The following BNC2 variants were observed in gnomAD, a reference collection of about 807,000 sequenced individuals.
The protein encoded by BNC2 is zinc finger protein basonuclin-2.
In BNC2, 20 loss-of-function variants were observed where a neutral mutation model predicts 76.3. The observed-to-expected ratio is 0.26, with a 90% confidence interval of 0.18 to 0.38. BNC2 has a LOEUF of 0.38. Among genes scored for constraint, BNC2 ranks in the 10% least tolerant of loss-of-function variants. The pLI, the probability that BNC2 is intolerant of heterozygous loss-of-function variation, is 1.00. For synonymous variants in BNC2, 582 were observed against 514.8 expected, an observed-to-expected ratio of 1.13 and a Z score of -1.77; for missense variants, 1,382 against 1,399.8, an observed-to-expected ratio of 0.99 and a Z score of 0.20.
At chr9:16,664,764 A>C (rs1474902227) in intron 3 of BNC2, among the ~76,000 whole-genome samples, 2 of 152,106 alleles carry the variant, frequency 1.3e-5, no homozygotes, top group African/African-American at 2.4e-5. Context: ...AGACCCAATA[A>C]GGAGAAGGTT....
At chr9:16,589,591 C>G (rs1819867465) in intron 3 of BNC2, among the ~76,000 whole-genome samples, 1 of 152,036 alleles carries the variant, frequency 6.6e-6, no homozygotes, top group South Asian at 2.1e-4. Context: ...TCACTGCAAC[C>G]TCCGCCTCCA....
At chr9:16,425,656 A>C in intron 6 of BNC2, among the ~76,000 whole-genome samples, 1 of 152,242 alleles carries the variant, frequency 6.6e-6, no homozygotes, top group Admixed American at 6.5e-5. Flanking sequence ...TGGAAAAGCC[A>C]AACAGATGGT....
chr9:16,717,320 T>C (rs2134813088), intron 3 of BNC2, among the ~76,000 whole-genome samples: 1 of 152,338 alleles, frequency 6.6e-6, no homozygotes, highest in Middle Eastern at 3.4e-3. Flanking sequence ...CTTACTTTCT[T>C]TCTTTTTTAA....
intron 3 of BNC2, among the ~76,000 whole-genome samples, chr9:16,661,410 T>C (rs1320715926): frequency 2.0e-5 from 3 of 152,188 alleles, no homozygotes; most frequent in Admixed American, 6.5e-5. Context: ...CTGACTTCAA[T>C]AGTATATGGG....
intron 4 of BNC2, among the ~76,000 whole-genome samples, chr9:16,561,360 C>G (rs1269446701): frequency 1.3e-5 from 2 of 152,096 alleles, no homozygotes; most frequent in Admixed American, 6.5e-5. Flanking sequence ...TGGCTTAGAG[C>G]CAAGTGAAGA....
intron 3 of BNC2, among the ~76,000 whole-genome samples, chr9:16,696,951 G>A (rs924862099): frequency 6.6e-6 from 1 of 152,196 alleles, no homozygotes; most frequent in Non-Finnish European, 1.5e-5. Flanking sequence ...CTGCTGAAAT[G>A]ATTCTTCTCC....
chr9:16,845,241 C>G (rs1818940788), intron 1 of BNC2, among the ~76,000 whole-genome samples: 1 of 152,154 alleles, frequency 6.6e-6, no homozygotes, highest in Non-Finnish European at 1.5e-5. Flanking sequence ...ATTAATTTGA[C>G]TGACACCATA....
At chr9:16,546,270 T>C (rs1401368921) in intron 5 of BNC2, among the ~76,000 whole-genome samples, 1 of 152,216 alleles carries the variant, frequency 6.6e-6, no homozygotes, top group East Asian at 1.9e-4. Flanking sequence ...TAGAGAGGTA[T>C]GGGGAGTTAT....
chr9:16,530,135 C>G (rs905893017), intron 5 of BNC2, among the ~76,000 whole-genome samples: 8 of 151,204 alleles, frequency 5.3e-5, no homozygotes, highest in Non-Finnish European at 1.2e-4. Flanking sequence ...GCCACCGCAC[C>G]TGGCCAAAAA....
intron 5 of BNC2, among the ~76,000 whole-genome samples, chr9:16,470,288 T>A (rs923388389): frequency 2.7e-4 from 41 of 152,240 alleles, no homozygotes; most frequent in African/African-American, 7.0e-4. Flanking sequence ...TGAGCCACCA[T>A]GCCCAGCCGG....
At chr9:16,705,763 T>G (rs1414746590) in intron 3 of BNC2, among the ~76,000 whole-genome samples, 1 of 152,222 alleles carries the variant, frequency 6.6e-6, no homozygotes, top group Non-Finnish European at 1.5e-5. Flanking sequence ...GTATGGGGAC[T>G]ACTTATCAAA....
chr9:16,732,842 C>T (rs1362855569), intron 2 of BNC2, among the ~76,000 whole-genome samples: 1 of 152,016 alleles, frequency 6.6e-6, no homozygotes, highest in Non-Finnish European at 1.5e-5. Context: ...TTCCTTATGG[C>T]GAAACAACTC....
chr9:16,601,143 A>G (rs1248232077), intron 3 of BNC2, among the ~76,000 whole-genome samples: 2 of 152,218 alleles, frequency 1.3e-5, no homozygotes, highest in East Asian at 3.8e-4. Context: ...CAGCAAAAGA[A>G]AACTCTTACC....
intron 5 of BNC2, among the ~76,000 whole-genome samples, chr9:16,450,389 TTGTG>T (rs1563789375): frequency 6.6e-6 from 1 of 152,254 alleles, no homozygotes; most frequent in Non-Finnish European, 1.5e-5. Context: ...AAATAAATGT[TTGTG>T]TGAGAACAGG....
chr9:16,605,605 T>C (rs1012273973), intron 3 of BNC2, among the ~76,000 whole-genome samples: 1 of 152,172 alleles, frequency 6.6e-6, no homozygotes, highest in African/African-American at 2.4e-5. Flanking sequence ...TAAGATGGAC[T>C]GAATGGAAGC....
intron 3 of BNC2, among the ~76,000 whole-genome samples, chr9:16,628,473 G>A (rs1053372437): frequency 2.6e-5 from 4 of 152,172 alleles, no homozygotes; most frequent in Admixed American, 6.5e-5. Flanking sequence ...CCCACATCCA[G>A]CCTTCCACAT....
intron 3 of BNC2, among the ~76,000 whole-genome samples, chr9:16,700,864 G>C (rs1208284561): frequency 6.6e-6 from 1 of 152,158 alleles, no homozygotes; most frequent in Non-Finnish European, 1.5e-5. Context: ...TTATTTGGGA[G>C]GCTGAGACAT....
intron 1 of BNC2, among the ~76,000 whole-genome samples, chr9:16,744,133 A>ATTTTTTTTTTTTTTTTTT (rs368807707): frequency 6.6e-6 from 1 of 151,124 alleles, no homozygotes. Context: ...CGCCCGGCTA[A>ATTTTTTTTTTTTTTTTTT]TTTTTTTTTG....
chr9:16,789,132 C>A (rs1586885253), intron 1 of BNC2, among the ~76,000 whole-genome samples: 1 of 152,156 alleles, frequency 6.6e-6, no homozygotes, highest in South Asian at 2.1e-4. Flanking sequence ...AATTAAAGCA[C>A]TACATACTGC....
Sources: allele counts gnomAD v4.1 joint callset (sites outside exome capture counted in the v4.1 genomes callset), GRCh38; gene constraint gnomAD v4.1.1; transcripts MANE v1.5; gene names NCBI Gene and HGNC (gene_info 2026-07-23, HGNC 2026-07-21).